KRABD4: variants seen among roughly 807,000 people sequenced by gnomAD.
KRABD4 encodes the protein KRAB domain-containing protein 4.
chrX:46,447,798 G>A, the KRABD4 span, among the ~76,000 whole-genome samples: 1 of 111,684 alleles, frequency 9.0e-6, no homozygotes, highest in Non-Finnish European at 1.9e-5. Flanking sequence ...GCAAACCCGA[G>A]GAATCTTTTT....
the KRABD4 span, among the ~76,000 whole-genome samples, chrX:46,453,859 A>G: frequency 1.8e-5 from 2 of 112,027 alleles, no homozygotes; most frequent in Non-Finnish European, 3.8e-5. Flanking sequence ...GATCAGTTAT[A>G]CCACAAATAA....
the KRABD4 span, among the ~76,000 whole-genome samples, chrX:46,466,472 A>G: frequency 3.6e-5 from 4 of 111,652 alleles, no homozygotes; most frequent in Non-Finnish European, 5.7e-5. Context: ...CCTTCCATCA[A>G]TTCGATTTAT....
At chrX:46,470,227 T>C in the KRABD4 span, among the ~76,000 whole-genome samples, 2 of 111,232 alleles carry the variant, frequency 1.8e-5, no homozygotes, top group Non-Finnish European at 3.8e-5. Context: ...AATGGTGACA[T>C]CTTGAAAAAC....
At chrX:46,463,295 T>C in the KRABD4 span, 1 of 1,210,852 alleles carries the variant, frequency 8.3e-7, no homozygotes, top group Non-Finnish European at 1.1e-6. Context: ...CCTGTGCAGG[T>C]GAGGACAGGC....
At chrX:46,450,700 T>A in the KRABD4 span, among the ~76,000 whole-genome samples, 1 of 100,555 alleles carries the variant, frequency 9.9e-6, no homozygotes, top group African/African-American at 3.5e-5. Flanking sequence ...TTCTTTTTTC[T>A]TTCTCTTTTT....
the KRABD4 span, among the ~76,000 whole-genome samples, chrX:46,470,159 C>T: frequency 9.0e-6 from 1 of 110,982 alleles, no homozygotes; most frequent in Non-Finnish European, 1.9e-5. Flanking sequence ...TCATAGATTC[C>T]CATGCCCTTG....
At chrX:46,466,078 A>G in the KRABD4 span, among the ~76,000 whole-genome samples, 27 of 112,168 alleles carry the variant, frequency 2.4e-4, no homozygotes, top group Middle Eastern at 4.6e-3. Flanking sequence ...AAAATCTTCT[A>G]GGAACTGTTA....
the KRABD4 span, among the ~76,000 whole-genome samples, chrX:46,471,340 T>C: frequency 8.9e-6 from 1 of 111,764 alleles, no homozygotes; most frequent in Non-Finnish European, 1.9e-5. Flanking sequence ...TAGGTTTTCA[T>C]GGTATATCTC....
the KRABD4 span, among the ~76,000 whole-genome samples, chrX:46,464,219 C>T: frequency 9.0e-6 from 1 of 111,639 alleles, no homozygotes; most frequent in Non-Finnish European, 1.9e-5. Context: ...CTCTTTCTCT[C>T]CCCTTCATAG....
the KRABD4 span, chrX:46,456,668 A>G: frequency 7.3e-6 from 2 of 275,495 alleles, no homozygotes; most frequent in African/African-American, 5.7e-5. Flanking sequence ...TAACGAGCAA[A>G]CTAATGAAGG....
At chrX:46,462,870 C>T in the KRABD4 span, 23 of 1,209,921 alleles carry the variant, frequency 1.9e-5, no homozygotes, top group Middle Eastern at 6.9e-4. Context: ...ACCTGGTGTC[C>T]GTGGGTGAGG....
the KRABD4 span, among the ~76,000 whole-genome samples, chrX:46,463,631 C>A: frequency 1.8e-5 from 2 of 111,713 alleles, no homozygotes; most frequent in African/African-American, 6.5e-5. Context: ...GACTTATTCT[C>A]CCACCTTCTT....
the KRABD4 span, among the ~76,000 whole-genome samples, chrX:46,452,779 A>G: frequency 1.8e-5 from 2 of 112,083 alleles, no homozygotes; most frequent in African/African-American, 3.2e-5. Context: ...AGAACTGTCA[A>G]TTGCCTTCCA....
chrX:46,457,135 T>C, the KRABD4 span: 1 of 349,794 alleles, frequency 2.9e-6, no homozygotes, highest in Non-Finnish European at 5.1e-6. Flanking sequence ...GTGTCCCGGA[T>C]CCTGTAAGTA....
the KRABD4 span, among the ~76,000 whole-genome samples, chrX:46,453,459 T>A: frequency 9.7e-6 from 1 of 102,612 alleles, no homozygotes; most frequent in Non-Finnish European, 2.0e-5. Flanking sequence ...CTTTTTTTTT[T>A]AAATGGTACA....
the KRABD4 span, chrX:46,474,057 G>A: frequency 1.8e-5 from 2 of 112,297 alleles, no homozygotes; most frequent in Non-Finnish European, 3.7e-5. Context: ...GGATTGCAGT[G>A]CTTGCATTAA....
chrX:46,463,274 C>T, the KRABD4 span: 1 of 1,211,804 alleles, frequency 8.3e-7, no homozygotes, highest in Admixed American at 2.2e-5. Context: ...ATGGGGGGAC[C>T]CCGGTACGGA....
At chrX:46,462,621 A>T in the KRABD4 span, 1 of 1,133,249 alleles carries the variant, frequency 8.8e-7, no homozygotes, top group East Asian at 3.1e-5. Context: ...GGCTCTGTGC[A>T]CCTCACGCTC....
the KRABD4 span, among the ~76,000 whole-genome samples, chrX:46,463,952 C>G: frequency 6.5e-4 from 71 of 109,981 alleles, no homozygotes; most frequent in East Asian, 8.9e-3. Context: ...TCTTCTCAGA[C>G]TCTTACAAAT....
Sources: gnomAD v4.1 joint callset for allele counts (sites outside exome capture counted in the v4.1 genomes callset) on GRCh38, gnomAD v4.1.1 for gene constraint, MANE v1.5 for transcripts, NCBI Gene and HGNC (gene_info 2026-07-23, HGNC 2026-07-21) for gene names.